Variants in SEMA5A observed in about 807,000 individuals in gnomAD.
SEMA5A encodes the protein semaphorin-5A.
A neutral mutation model predicts 135.5 loss-of-function variants in SEMA5A; 55 were observed. That is an observed-to-expected ratio of 0.41 (90% CI 0.33 to 0.51). The LOEUF (loss-of-function observed/expected upper bound fraction) is 0.51. SEMA5A is among the 20% of genes least tolerant of loss of function. The pLI is 0.37. For synonymous variants in SEMA5A, 580 were observed against 546.5 expected, an observed-to-expected ratio of 1.06 and a Z score of -0.85; for missense variants, 1,290 against 1,419.9, an observed-to-expected ratio of 0.91 and a Z score of 1.47.
intron 5 of SEMA5A, among the ~76,000 whole-genome samples, chr5:9,241,576 A>T (rs3026321): frequency 0.073 from 11,069 of 151,540 alleles, 520 homozygotes; most frequent in Non-Finnish European, 0.1. Context: ...AAAAAAAAAA[A>T]AAAAAAAGAA....
chr5:9,246,508 G>C (rs905878344), intron 5 of SEMA5A, among the ~76,000 whole-genome samples: 11 of 152,086 alleles, frequency 7.2e-5, no homozygotes, highest in Non-Finnish European at 1.6e-4. Flanking sequence ...TCTGTATACT[G>C]TTCAACAGAA....
At chr5:9,048,549 A>G (rs969761024) in intron 21 of SEMA5A, among the ~76,000 whole-genome samples, 2 of 152,162 alleles carry the variant, frequency 1.3e-5, no homozygotes, top group African/African-American at 4.8e-5. Context: ...AGCACTGTTA[A>G]GGAGATTGGT....
chr5:9,142,983 C>A (rs1471675971), intron 12 of SEMA5A, among the ~76,000 whole-genome samples: 11 of 152,006 alleles, frequency 7.2e-5, no homozygotes, highest in Admixed American at 7.2e-4. Flanking sequence ...AATTATCTTA[C>A]AAAAAATAAG....
chr5:9,418,585 T>G (rs545867215), intron 2 of SEMA5A, among the ~76,000 whole-genome samples: 1 of 152,348 alleles, frequency 6.6e-6, no homozygotes, highest in East Asian at 1.9e-4. Flanking sequence ...ATTCCTGCCC[T>G]GCAATAGGAG....
At chr5:9,516,292 C>A (rs1014710492) in intron 1 of SEMA5A, among the ~76,000 whole-genome samples, 13 of 152,026 alleles carry the variant, frequency 8.6e-5, no homozygotes, top group African/African-American at 3.1e-4. Context: ...ACACACACAC[C>A]ACACACACAC....
chr5:9,513,661 A>G (rs1176690819), intron 1 of SEMA5A, among the ~76,000 whole-genome samples: 1 of 152,212 alleles, frequency 6.6e-6, no homozygotes, highest in East Asian at 1.9e-4. Flanking sequence ...CCAAGCAACT[A>G]AAGATTCACT....
chr5:9,444,733 G>A (rs144232910), intron 1 of SEMA5A, among the ~76,000 whole-genome samples: 4 of 152,262 alleles, frequency 2.6e-5, no homozygotes, highest in South Asian at 2.1e-4. Flanking sequence ...AATTTTGAAC[G>A]GTATTTGACA....
chr5:9,512,955 G>T (rs965080595), intron 1 of SEMA5A, among the ~76,000 whole-genome samples: 10 of 151,700 alleles, frequency 6.6e-5, no homozygotes, highest in African/African-American at 2.2e-4. Context: ...ATAGAGTTCT[G>T]TGCCAAAGCA....
chr5:9,178,099 T>G (rs1744299005), intron 11 of SEMA5A, among the ~76,000 whole-genome samples: 1 of 152,190 alleles, frequency 6.6e-6, no homozygotes, highest in African/African-American at 2.4e-5. Context: ...AGTTGGTAAA[T>G]GCTTCTTATG....
At chr5:9,063,219 A>G (rs1737281053) in intron 17 of SEMA5A, 114 bp from the exon 18 acceptor site, 4 of 1,039,702 alleles carry the variant, frequency 3.8e-6, no homozygotes, top group Non-Finnish European at 5.7e-6. Flanking sequence ...CTACCCTCTC[A>G]CATTCCGTTG....
intron 11 of SEMA5A, among the ~76,000 whole-genome samples, chr5:9,176,769 CCAGCTGACCAG>C (rs746048932): frequency 4.2e-4 from 64 of 152,130 alleles, no homozygotes; most frequent in Admixed American, 7.2e-4. Flanking sequence ...GGCCACTCTG[CCAGCTGACCAG>C]CAGCCTCAGA....
intron 3 of SEMA5A, among the ~76,000 whole-genome samples, chr5:9,369,195 T>C (rs1755034182): frequency 6.6e-6 from 1 of 152,194 alleles, no homozygotes; most frequent in African/African-American, 2.4e-5. Flanking sequence ...ACTTTATATA[T>C]GCTGGACACA....
intron 11 of SEMA5A, among the ~76,000 whole-genome samples, chr5:9,188,612 A>G (rs1744931381): frequency 6.6e-6 from 1 of 152,124 alleles, no homozygotes; most frequent in Non-Finnish European, 1.5e-5. Flanking sequence ...CTAGAATTGG[A>G]AGAAGATGGC....
chr5:9,309,080 G>A (rs918700078), intron 5 of SEMA5A, among the ~76,000 whole-genome samples: 4 of 152,160 alleles, frequency 2.6e-5, no homozygotes, highest in Admixed American at 6.6e-5. Context: ...GAAGGATGAT[G>A]CATATTAAAA....
chr5:9,230,162 T>C (rs1056568045), intron 6 of SEMA5A, among the ~76,000 whole-genome samples: 9 of 139,178 alleles, frequency 6.5e-5, no homozygotes, highest in Non-Finnish European at 1.1e-4. Flanking sequence ...TTTTTTCTTT[T>C]TTTTTTTTTT....
chr5:9,330,888 G>T (rs1489822877), intron 4 of SEMA5A, among the ~76,000 whole-genome samples: 2 of 152,166 alleles, frequency 1.3e-5, no homozygotes, highest in Non-Finnish European at 2.9e-5. Context: ...AAAAAAGACT[G>T]CAGTGAAAAG....
Position 9,042,906 on chromosome 5 carries a change from A to AT in SEMA5A, c.3215dup (p.Asp1072GlufsTer2). On this transcript the variant is annotated frameshift_variant, in exon 23 of 23. Transcript: ENST00000382496. LOFTEE classifies it high-confidence loss of function. The stretch of plus-strand genomic sequence containing the variant: ...AAAAACATGAAAGCTGTTAGTACTC[A>AT]TCATAATTATTGAGATCTGTAAAGT... The AT allele has an allele frequency of 6.2e-7, 1 of 1,614,042 alleles. No homozygotes were observed. The highest frequency in any genetic ancestry group is 8.5e-7 in the Non-Finnish European group (1 of 1,179,936).
chr5:9,273,740 A>G (rs1750109416), intron 5 of SEMA5A, among the ~76,000 whole-genome samples: 1 of 152,150 alleles, frequency 6.6e-6, no homozygotes, highest in African/African-American at 2.4e-5. Flanking sequence ...AGCCAAACTA[A>G]GCTTCATAAG....
At chr5:9,092,050 G>A (rs758167198) in intron 16 of SEMA5A, among the ~76,000 whole-genome samples, 4 of 152,112 alleles carry the variant, frequency 2.6e-5, no homozygotes, top group Admixed American at 6.5e-5. Flanking sequence ...TGTATTATTC[G>A]GTCTTGGGAT....
Sources: allele counts gnomAD v4.1 joint callset (sites outside exome capture counted in the v4.1 genomes callset), GRCh38; gene constraint gnomAD v4.1.1; transcripts MANE v1.5; gene names NCBI Gene and HGNC (gene_info 2026-07-23, HGNC 2026-07-21).